Variants in MACO1 observed in about 807,000 individuals in gnomAD.
MACO1 encodes the protein macoilin.
A neutral mutation model predicts 78.7 loss-of-function variants in MACO1; 14 were observed. The observed-to-expected ratio is 0.18, with a 90% confidence interval of 0.12 to 0.28. MACO1 has a LOEUF of 0.28. Ranked by LOEUF, MACO1 falls within the 10% of genes least tolerant of loss-of-function variation. The pLI is 1.00. For synonymous variants in MACO1, 288 were observed against 291.6 expected, an observed-to-expected ratio of 0.99 and a Z score of 0.12; for missense variants, 501 against 799.0, an observed-to-expected ratio of 0.63 and a Z score of 4.50.
At chr1:25,438,924 A>G (rs145730478) in intron 1 of MACO1, among the ~76,000 whole-genome samples, 12 of 148,536 alleles carry the variant, frequency 8.1e-5, no homozygotes, top group Admixed American at 7.4e-4. Context: ...ATAAAAAACT[A>G]AAAAAAAAAG....
intron 1 of MACO1, 75 bp downstream of exon 1, chr1:25,431,253 T>A: frequency 8.2e-7 from 1 of 1,219,636 alleles, no homozygotes; most frequent in Non-Finnish European, 1.1e-6. Context: ...CTGGCCCCGT[T>A]ATGTAACCCC....
intron 6 of MACO1, among the ~76,000 whole-genome samples, chr1:25,462,035 T>TATTAC (rs1316671869): frequency 6.6e-6 from 1 of 152,222 alleles, no homozygotes; most frequent in Non-Finnish European, 1.5e-5. Context: ...TGACTTCATG[T>TATTAC]ATGTTTTGAT....
intron 4 of MACO1, 151 bp from the exon 5 acceptor site, chr1:25,456,502 T>TAAATA (rs2043122705): frequency 1.3e-6 from 1 of 772,366 alleles, no homozygotes. Flanking sequence ...AGACATTACA[T>TAAATA]TTATTTGTGT....
At chr1:25,490,649 A>G (rs1442609072) in intron 9 of MACO1, among the ~76,000 whole-genome samples, 1 of 152,226 alleles carries the variant, frequency 6.6e-6, no homozygotes, top group Non-Finnish European at 1.5e-5. Context: ...AAAAAATTGA[A>G]AACAGTCTTA....
rs1051852312 is a variant in MACO1 at position 25,498,597 on chromosome 1, A to C, written c.*131A>C. On this transcript the variant is annotated 3_prime_UTR_variant, in exon 11 of 11. Transcript: ENST00000374343. ...ACTGTATCTGTTGTCATTTTTAAAA[A>C]GGGGGGAAAAGATAACATCCAAGTC... 1.2e-6 allele frequency: 1 copy of C among 862,864 alleles called. No homozygotes were observed. The highest frequency in any genetic ancestry group is 2.9e-5 in the Admixed American group (1 of 34,006). The allele number at this position is 862,864 out of a possible 1,614,324, so 53.5% of individuals were successfully genotyped here.
chr1:25,448,745 T>C, intron 2 of MACO1, 63 bp from the exon 3 acceptor site: 1 of 1,396,318 alleles, frequency 7.2e-7, no homozygotes, highest in South Asian at 1.9e-5. Flanking sequence ...TGTTTAACAA[T>C]GTGTGGTTGA....
chr1:25,442,973 C>T (rs920462441), intron 1 of MACO1, among the ~76,000 whole-genome samples: 3 of 152,122 alleles, frequency 2.0e-5, no homozygotes, highest in African/African-American at 7.2e-5. Context: ...TCAAATTAGC[C>T]ATGAGTCATA....
intron 1 of MACO1, among the ~76,000 whole-genome samples, chr1:25,431,584 G>A (rs572082438): frequency 6.6e-6 from 1 of 152,160 alleles, no homozygotes; most frequent in South Asian, 2.1e-4. Context: ...TGGCCTGGGG[G>A]CTTGCCGGCC....
rs1222159978 is a variant in MACO1 at position 25,469,633 on chromosome 1, CTTTTTT to C, written c.1154+10757_1154+10762del. On this transcript the variant is annotated intron_variant, in intron 6 of 10. Coordinates refer to ENST00000374343, the MANE Select transcript of MACO1 (RefSeq NM_018202.6). ...TTTAATACTGCTGTGTAACCTCTGA[CTTTTTT>C]TTTTTTTTTTTTTTTGAGACAGAGT... Among the ~76,000 whole-genome samples the C allele has an allele frequency of 3.1e-5, 4 of 127,450 alleles. No homozygotes were observed. The Admixed American group carries it at 3.2e-4, about 10-fold the overall frequency. The allele number at this position is 127,450 out of a possible 152,430, so 83.6% of individuals were successfully genotyped here. A position where few individuals can be genotyped will look rare whatever the true frequency, so the allele number is the denominator to read the frequency against.
At chr1:25,451,644 C>T (rs1467953750) in intron 3 of MACO1, among the ~76,000 whole-genome samples, 1 of 152,104 alleles carries the variant, frequency 6.6e-6, no homozygotes, top group East Asian at 1.9e-4. Context: ...CAGTGGCTCA[C>T]ACCTGCAATC....
At chr1:25,495,764 C>A (rs2043530314) in intron 10 of MACO1, among the ~76,000 whole-genome samples, 1 of 152,174 alleles carries the variant, frequency 6.6e-6, no homozygotes, top group Admixed American at 6.5e-5. Flanking sequence ...GAGATCGAGA[C>A]CATCCTGGCC....
At chr1:25,478,938 A>G (rs1319046935) in intron 6 of MACO1, among the ~76,000 whole-genome samples, 2 of 152,188 alleles carry the variant, frequency 1.3e-5, no homozygotes, top group Non-Finnish European at 2.9e-5. Flanking sequence ...GTCCAGATGT[A>G]TCTGGCCCAT....
intron 10 of MACO1, among the ~76,000 whole-genome samples, chr1:25,497,380 C>CA (rs66898111): frequency 0.48 from 60,287 of 126,344 alleles, 13,688 homozygotes; most frequent in East Asian, 0.73. Context: ...AACTCCATCT[C>CA]AAAAAAAAAA....
At chr1:25,463,511 C>T (rs1242125479) in intron 6 of MACO1, among the ~76,000 whole-genome samples, 1 of 152,160 alleles carries the variant, frequency 6.6e-6, no homozygotes, top group African/African-American at 2.4e-5. Context: ...TATTTAAAAA[C>T]AGACTTAATG....
chr1:25,431,908 C>G (rs1169038137), intron 1 of MACO1, among the ~76,000 whole-genome samples: 1 of 121,892 alleles, frequency 8.2e-6, no homozygotes, highest in African/African-American at 3.4e-5. Context: ...GGATTTTCTC[C>G]AAACTCTTTT....
At chr1:25,459,588 C>T (rs2043153591) in intron 6 of MACO1, among the ~76,000 whole-genome samples, 1 of 151,642 alleles carries the variant, frequency 6.6e-6, no homozygotes. Flanking sequence ...GATTCTCCTG[C>T]CTCAGCCTCC....
chr1:25,497,776 A>G (rs1353260402), intron 10 of MACO1, among the ~76,000 whole-genome samples: 1 of 152,204 alleles, frequency 6.6e-6, no homozygotes, highest in Non-Finnish European at 1.5e-5. Flanking sequence ...ACTCAGAGAT[A>G]GTCTGTCCTC....
intron 6 of MACO1, among the ~76,000 whole-genome samples, chr1:25,479,670 A>G (rs191584613): frequency 1.3e-5 from 2 of 152,256 alleles, no homozygotes; most frequent in South Asian, 2.1e-4. Flanking sequence ...CAGCTTCCCA[A>G]AGTGCTGGGA....
At chr1:25,472,461 G>A (rs944035568) in intron 6 of MACO1, among the ~76,000 whole-genome samples, 11 of 151,528 alleles carry the variant, frequency 7.3e-5, no homozygotes, top group Admixed American at 1.3e-4. Flanking sequence ...GAGAACATGC[G>A]GTGTTTGGTT....
Sources: gnomAD v4.1 joint callset for allele counts (sites outside exome capture counted in the v4.1 genomes callset) on GRCh38, gnomAD v4.1.1 for gene constraint, MANE v1.5 for transcripts, NCBI Gene and HGNC (gene_info 2026-07-23, HGNC 2026-07-21) for gene names.